Variants in RNF180 observed in about 807,000 individuals in gnomAD.
The protein encoded by RNF180 is ring finger protein 180, also known as E3 ubiquitin-protein ligase RNF180.
A neutral mutation model predicts 59.2 loss-of-function variants in RNF180; 38 were observed. The observed-to-expected ratio is 0.64, with a 90% confidence interval of 0.50 to 0.84. RNF180 has a LOEUF of 0.84. Among genes scored for constraint, RNF180 ranks in the 40% least tolerant of loss-of-function variants. The pLI is 0.00. For missense variants in RNF180, 705 were observed against 700.9 expected (o/e 1.01, Z -0.07); for synonymous variants, 262 against 240.3 (o/e 1.09, Z -0.84).
intron 1 of RNF180, among the ~76,000 whole-genome samples, chr5:64,188,315 A>G (rs975032533): frequency 1.3e-5 from 2 of 152,166 alleles, no homozygotes; most frequent in Non-Finnish European, 2.9e-5. Flanking sequence ...TTCTGGAGAC[A>G]TAAGGTCCTG....
intron 7 of RNF180, 102 bp downstream of exon 7, chr5:64,330,508 T>C (rs1426178950): frequency 1.8e-6 from 2 of 1,088,782 alleles, no homozygotes; most frequent in Non-Finnish European, 2.6e-6. Flanking sequence ...GGAAACATAT[T>C]TCTGTATTAA....
intron 4 of RNF180, among the ~76,000 whole-genome samples, chr5:64,217,140 T>C (rs1752674025): frequency 6.6e-6 from 1 of 152,220 alleles, no homozygotes; most frequent in South Asian, 2.1e-4. Flanking sequence ...CCTCTTTTAC[T>C]CAGTAAAATT....
rs147480733 is a variant in RNF180 at position 64,203,314 on chromosome 5, A to T, written c.135+2372A>T. On this transcript the variant is annotated intron_variant, in intron 2 of 7. Transcript: ENST00000389100. ...TGCAGAAAAGATAATATGTGAACAT[A>T]TATATGTTTGTGTCTTACAGATTTT... Among the ~76,000 whole-genome samples the T allele has an allele frequency of 8.6e-3, 1,315 of 152,276 alleles. 14 individuals are homozygous for T. Among genetic ancestry groups the T allele is most frequent in the Middle Eastern group, 0.031 (9 of 294 alleles).
intron 5 of RNF180, among the ~76,000 whole-genome samples, chr5:64,283,448 A>T (rs1742117816): frequency 6.6e-6 from 1 of 151,898 alleles, no homozygotes; most frequent in Non-Finnish European, 1.5e-5. Context: ...GTGCCTTCTA[A>T]TTAGGGCATT....
intron 5 of RNF180, among the ~76,000 whole-genome samples, chr5:64,247,705 A>C (rs9763082): frequency 0.049 from 7,494 of 152,276 alleles, 617 homozygotes; most frequent in African/African-American, 0.16. Context: ...TATAGATTCA[A>C]TGCTATCCTC....
At chr5:64,165,471 G>A (rs1487766771), upstream of RNF180, among the ~76,000 whole-genome samples, 1 of 152,240 alleles carries the variant, frequency 6.6e-6, no homozygotes, top group Non-Finnish European at 1.5e-5. Flanking sequence ...ATGGGTGGAT[G>A]GGACGCCGGC....
At chr5:64,236,933 A>G (rs975876728) in intron 5 of RNF180, among the ~76,000 whole-genome samples, 1 of 152,172 alleles carries the variant, frequency 6.6e-6, no homozygotes, top group East Asian at 1.9e-4. Context: ...CAGAGTATAT[A>G]TGGAAATGCC....
At chr5:64,192,484 C>T (rs990686921) in intron 1 of RNF180, among the ~76,000 whole-genome samples, 4 of 151,948 alleles carry the variant, frequency 2.6e-5, no homozygotes, top group African/African-American at 9.7e-5. Flanking sequence ...TCAGCTTGAC[C>T]AACACAGTGA....
At chr5:64,369,050 G>A (rs1190845426) in intron 7 of RNF180, among the ~76,000 whole-genome samples, 2 of 152,108 alleles carry the variant, frequency 1.3e-5, no homozygotes, top group South Asian at 2.1e-4. Context: ...GCAAAGACTT[G>A]GAACCAACCC....
intron 7 of RNF180, among the ~76,000 whole-genome samples, chr5:64,330,713 T>C (rs919742979): frequency 1.9e-4 from 29 of 152,226 alleles, no homozygotes; most frequent in African/African-American, 6.8e-4. Context: ...AAGTCATATT[T>C]ATGGCAGCGG....
Position 64,338,180 on chromosome 5 carries a change from G to GT in RNF180, c.1579+7779dup, listed in dbSNP as rs201279003. On this transcript the variant is annotated intron_variant, in intron 7 of 7. Coordinates refer to ENST00000389100, the MANE Select transcript of RNF180 (RefSeq NM_001113561.2). ...CTTATTAAGTCTAATTATTTATAAG[G>GT]TTTTTGTGGCTTTCAGTGAAGACAA... Among the ~76,000 whole-genome samples the GT allele has an allele frequency of 5.0e-3, 755 of 152,208 alleles. 10 individuals carry two copies. Among genetic ancestry groups the GT allele is most frequent in the African/African-American group, 0.017 (707 of 41,528 alleles).
chr5:64,175,589 G>T (rs1303369477), intron 1 of RNF180, among the ~76,000 whole-genome samples: 1 of 151,964 alleles, frequency 6.6e-6, no homozygotes, highest in Non-Finnish European at 1.5e-5. Context: ...AGATTACTTT[G>T]GCTATTTGGG....
At chr5:64,298,512 C>T (rs978931796) in intron 5 of RNF180, among the ~76,000 whole-genome samples, 2 of 151,944 alleles carry the variant, frequency 1.3e-5, no homozygotes, top group African/African-American at 4.8e-5. Flanking sequence ...TGCAGTGAAA[C>T]TTTCTTACTG....
intron 5 of RNF180, among the ~76,000 whole-genome samples, chr5:64,323,319 T>G (rs1033126552): frequency 6.6e-6 from 1 of 152,096 alleles, no homozygotes; most frequent in Non-Finnish European, 1.5e-5. Flanking sequence ...GGCATGTGGA[T>G]CACTTGAGCC....
At chr5:64,368,208 G>T (rs1282286122) in intron 7 of RNF180, among the ~76,000 whole-genome samples, 2 of 151,676 alleles carry the variant, frequency 1.3e-5, no homozygotes, top group East Asian at 3.9e-4. Context: ...CATTATGTCT[G>T]TCTAGTTTAT....
At chr5:64,338,592 G>A (rs1235884362) in intron 7 of RNF180, among the ~76,000 whole-genome samples, 1 of 149,084 alleles carries the variant, frequency 6.7e-6, no homozygotes. Context: ...TGGAGATCGC[G>A]CCACTGCACT....
intron 5 of RNF180, among the ~76,000 whole-genome samples, chr5:64,223,586 C>T (rs2112160746): frequency 6.6e-6 from 1 of 152,288 alleles, no homozygotes; most frequent in Non-Finnish European, 1.5e-5. Flanking sequence ...GGCCTACAAA[C>T]CTAGTATGTG....
intron 7 of RNF180, among the ~76,000 whole-genome samples, chr5:64,342,505 G>T (rs75915610): frequency 1.3e-5 from 2 of 152,012 alleles, no homozygotes; most frequent in African/African-American, 2.4e-5. Flanking sequence ...GAGTAAAAAA[G>T]GCTTAAAAAG....
Position 64,327,718 on chromosome 5 carries a change from G to A in RNF180, c.1453+2307G>A, listed in dbSNP as rs188198621. Among the ~76,000 whole-genome samples the A allele has an allele frequency of 1.4e-3, 220 of 152,250 alleles. 1 individual carries two copies. Among genetic ancestry groups the A allele is most frequent in the African/African-American group, 5.0e-3 (209 of 41,548 alleles). ...TGGCCAACCCTAGAGAATGGTCCAT[G>A]TGCTGATGAAAGGAGTGTGTAATCT... On this transcript the variant is annotated intron_variant, in intron 6 of 7. Coordinates refer to ENST00000389100, the MANE Select transcript of RNF180 (RefSeq NM_001113561.2).
Sources: gnomAD v4.1 joint callset for allele counts (sites outside exome capture counted in the v4.1 genomes callset) on GRCh38, gnomAD v4.1.1 for gene constraint, MANE v1.5 for transcripts, NCBI Gene and HGNC (gene_info 2026-07-23, HGNC 2026-07-21) for gene names.